Variants in KIAA1958 observed in about 807,000 individuals in gnomAD.
KIAA1958 encodes the protein uncharacterized protein KIAA1958.
Under a neutral mutation model 47.2 loss-of-function variants are expected in KIAA1958, and 14 were observed. That is an observed-to-expected ratio of 0.30 (90% CI 0.20 to 0.46). The LOEUF is 0.46. KIAA1958 is among the 20% of genes least tolerant of loss of function. The pLI is 1.00. For synonymous variants in KIAA1958, 354 were observed against 353.3 expected, an observed-to-expected ratio of 1.00 and a Z score of -0.02; for missense variants, 803 against 909.2, an observed-to-expected ratio of 0.88 and a Z score of 1.50.
chr9:112,600,973 C>T (rs1355548814), intron 2 of KIAA1958, among the ~76,000 whole-genome samples: 1 of 152,190 alleles, frequency 6.6e-6, no homozygotes, highest in East Asian at 1.9e-4. Context: ...GCTTAGTTTA[C>T]AGCACTTTCA....
At chr9:112,638,552 C>T (rs1836845071) in intron 2 of KIAA1958, among the ~76,000 whole-genome samples, 1 of 151,904 alleles carries the variant, frequency 6.6e-6, no homozygotes. Flanking sequence ...CTTAGATTGT[C>T]AGCATTGTTA....
chr9:112,552,868 T>C (rs1006507041), intron 1 of KIAA1958, among the ~76,000 whole-genome samples: 1 of 152,114 alleles, frequency 6.6e-6, no homozygotes, highest in African/African-American at 2.4e-5. Flanking sequence ...ACCATTCAAG[T>C]TGGCATGGAG....
chr9:112,503,202 A>G lies in KIAA1958; in HGVS notation c.-25+16084A>G, dbSNP rs966033353. The stretch of plus-strand genomic sequence containing the variant: ...TTGACATTTTAGATTAGGGTTGCCA[A>G]GGAATATCTCACAGAGAAAGTGACT... On this transcript the variant is annotated intron_variant, in intron 1 of 3. Coordinates refer to ENST00000337530, the MANE Select transcript of KIAA1958 (RefSeq NM_133465.4). 3.3e-5 allele frequency among the ~76,000 whole-genome samples: 5 copies of G among 152,368 alleles called. No homozygotes were observed. In the East Asian group the frequency reaches 9.6e-4, roughly 29 times the overall value.
chr9:112,644,155 G>A (rs986546771), intron 2 of KIAA1958, among the ~76,000 whole-genome samples: 5 of 151,616 alleles, frequency 3.3e-5, no homozygotes, highest in Non-Finnish European at 7.4e-5. Flanking sequence ...TCCAGTCTGG[G>A]CAACAGAGCG....
At chr9:112,542,439 G>GGATATATTCATGAATATAATCATTAT (rs1834959678) in intron 1 of KIAA1958, among the ~76,000 whole-genome samples, 3 of 151,920 alleles carry the variant, frequency 2.0e-5, no homozygotes, top group African/African-American at 7.3e-5. Context: ...TCATTATAAA[G>GGATATATTCATGAATATAATCATTAT]AAAATATTCA....
At chr9:112,532,672 C>T (rs1334618728) in intron 1 of KIAA1958, among the ~76,000 whole-genome samples, 2 of 152,192 alleles carry the variant, frequency 1.3e-5, no homozygotes, top group South Asian at 2.1e-4. Flanking sequence ...GCATTCAAGT[C>T]GTCTCATTTC....
At chr9:112,628,854 G>A (rs1836663942) in intron 2 of KIAA1958, among the ~76,000 whole-genome samples, 1 of 152,160 alleles carries the variant, frequency 6.6e-6, no homozygotes, top group Non-Finnish European at 1.5e-5. Flanking sequence ...GCCAAAGTTA[G>A]CAGTAGATTT....
intron 2 of KIAA1958, among the ~76,000 whole-genome samples, chr9:112,603,402 C>A (rs1260118577): frequency 1.3e-5 from 2 of 152,174 alleles, no homozygotes; most frequent in Non-Finnish European, 2.9e-5. Flanking sequence ...TGAGCACAAG[C>A]CAGACTCATT....
rs543938649 is a variant in KIAA1958, at chr9:112,661,875, A to G, written c.*1806A>G. On this transcript the variant is annotated 3_prime_UTR_variant, in exon 4 of 4. Transcript: ENST00000337530. ...ATTTAAAAGAAATACACAAAACATTAGGTACAATTTCCTTTAGTTTGCTAA... is the reference window on the plus strand; with the variant it reads ...ATTTAAAAGAAATACACAAAACATTGGGTACAATTTCCTTTAGTTTGCTAA... 1 of 152,356 alleles carries G rather than the reference A, an allele frequency of 6.6e-6. No individual in the cohort carries two copies. Among genetic ancestry groups the G allele is most frequent in the East Asian group, 1.9e-4 (1 of 5,186 alleles). 9.4% of individuals were successfully genotyped at this position (152,356 alleles called of 1,614,324 possible). A position where few individuals can be genotyped will look rare whatever the true frequency, so the allele number is the denominator to read the frequency against.
At chr9:112,528,967 T>C (rs1489592296) in intron 1 of KIAA1958, among the ~76,000 whole-genome samples, 2 of 152,362 alleles carry the variant, frequency 1.3e-5, no homozygotes, top group East Asian at 3.9e-4. Context: ...TAGAACTTTT[T>C]TTTTGTACAT....
chr9:112,609,717 A>T (rs1365928938), intron 2 of KIAA1958, among the ~76,000 whole-genome samples: 2 of 152,000 alleles, frequency 1.3e-5, no homozygotes, highest in Non-Finnish European at 2.9e-5. Flanking sequence ...ACACCCAGCG[A>T]ATTTTTAAAT....
chr9:112,534,378 T>C (rs1018427554), intron 1 of KIAA1958, among the ~76,000 whole-genome samples: 4 of 152,184 alleles, frequency 2.6e-5, no homozygotes, highest in African/African-American at 9.6e-5. Flanking sequence ...AGTATCATTC[T>C]AGTCAGCCAA....
rs1371502800 is a variant in KIAA1958, at chr9:112,666,890, C to T, written c.*6821C>T. 6.6e-6 allele frequency: 1 copy of T among 152,260 alleles called. No homozygotes were observed. The highest frequency in any genetic ancestry group is 1.9e-4 in the East Asian group (1 of 5,202). The allele number at this position is 152,260 out of a possible 1,614,324, so 9.4% of individuals were successfully genotyped here. On this transcript the variant is annotated 3_prime_UTR_variant, in exon 4 of 4. Coordinates refer to ENST00000337530, the MANE Select transcript of KIAA1958 (RefSeq NM_133465.4). ...CTCTTCTTTCTCCCCAACCCACTTC[C>T]TCTTCATTCAATCCCACATAAATCT...
At chr9:112,496,155 G>T (rs1834048439) in intron 1 of KIAA1958, among the ~76,000 whole-genome samples, 1 of 152,164 alleles carries the variant, frequency 6.6e-6, no homozygotes, top group Non-Finnish European at 1.5e-5. Context: ...TAGGTGATTT[G>T]TTATACAGCA....
intron 1 of KIAA1958, among the ~76,000 whole-genome samples, chr9:112,539,987 G>A (rs1349428635): frequency 6.6e-6 from 1 of 152,048 alleles, no homozygotes; most frequent in Non-Finnish European, 1.5e-5. Context: ...CACCGTGCTG[G>A]GCTGTAAATA....
chr9:112,506,503 G>A (rs935353522), intron 1 of KIAA1958, among the ~76,000 whole-genome samples: 1 of 152,148 alleles, frequency 6.6e-6, no homozygotes, highest in Admixed American at 6.5e-5. Context: ...TTTTCTTCAT[G>A]GTAATTAAGG....
In KIAA1958 at chr9:112,574,969, C is replaced by G; in HGVS notation, c.889C>G (p.Pro297Ala). 6.2e-7 allele frequency: 1 copy of G among 1,614,110 alleles called. No homozygotes were observed. The highest frequency in any genetic ancestry group is 1.1e-5 in the South Asian group (1 of 91,072). Residue 297 changes from proline (P) to alanine (A), a missense_variant, in exon 2 of 4, where the codon CCT becomes GCT. By Grantham distance (27) the Pro-to-Ala change is conservative. This residue lies in a region of KIAA1958 where 761 missense variants were observed against 829.3 expected (regional missense o/e 0.92). Transcript: ENST00000337530. The stretch of plus-strand genomic sequence containing the variant: ...TCTGGCTTCACCAAACAGAGGACCC[C>G]CTGGTACACATGGCACCAACCAACA... ...VSLASPNRGPPGTHGTNQQVA... is the reference protein window; with the variant it reads ...VSLASPNRGPAGTHGTNQQVA...
chr9:112,659,659 G>C lies in KIAA1958; in HGVS notation c.1741G>C (p.Gly581Arg). ...GCAGGAGCATGCGGATCTGATGTAT[G>C]GTGACATCGAGCTGCTCAAAGACCC... ...TLQEHADLMYGDIELLKDPQN... is the reference protein window; with the variant it reads ...TLQEHADLMYRDIELLKDPQN... The change falls in exon 4 of 4, where the codon GGT becomes CGT. Residue 581 changes from glycine (G) to arginine (R), a missense_variant. Transcript: ENST00000337530. 6.2e-7 allele frequency: 1 copy of C among 1,614,154 alleles called. No homozygotes were observed. Among genetic ancestry groups the C allele is most frequent in the Non-Finnish European group, 8.5e-7 (1 of 1,180,040 alleles).
chr9:112,518,670 TATTACATGTCAAAACTTATCAA>T (rs1834482660), intron 1 of KIAA1958, among the ~76,000 whole-genome samples: 1 of 152,202 alleles, frequency 6.6e-6, no homozygotes, highest in Non-Finnish European at 1.5e-5. Context: ...CATGGCTATT[TATTACATGTCAAAACTTATCAA>T]ATTGTACATT....
Sources: allele counts gnomAD v4.1 joint callset (sites outside exome capture counted in the v4.1 genomes callset), GRCh38; gene constraint gnomAD v4.1.1; regional missense constraint gnomAD v4.1.1; transcripts MANE v1.5; gene names NCBI Gene and HGNC (gene_info 2026-07-23, HGNC 2026-07-21).